Variants in IGFBP7 observed in about 807,000 individuals in gnomAD.
IGFBP7 encodes insulin-like growth factor-binding protein 7.
In IGFBP7, 31 loss-of-function variants were observed where a neutral mutation model predicts 29.4. The observed-to-expected ratio is 1.05, with a 90% CI of 0.79 to 1.42. The LOEUF is 1.42. IGFBP7 is among the 40% of genes most tolerant of loss of function. The probability of loss-of-function intolerance (pLI) is 0.00; values close to 1 mark genes in which losing one functional copy is unlikely to be tolerated. For synonymous variants in IGFBP7, 172 were observed against 174.9 expected, an observed-to-expected ratio of 0.98 and a Z score of 0.13; for missense variants, 393 against 395.5, an observed-to-expected ratio of 0.99 and a Z score of 0.05.
chr4:57,051,593 G>C (rs1230519955), intron 1 of IGFBP7, among the ~76,000 whole-genome samples: 1 of 152,194 alleles, frequency 6.6e-6, no homozygotes. Context: ...TGTTGGGGTG[G>C]TGTTGGGGAG....
intron 1 of IGFBP7, among the ~76,000 whole-genome samples, chr4:57,062,838 T>C (rs965315407): frequency 6.6e-6 from 1 of 152,106 alleles, no homozygotes; most frequent in African/African-American, 2.4e-5. Context: ...TTAGAGAAAA[T>C]GTTTTCTCTC....
Position 57,089,381 on chromosome 4 carries a change from G to A in IGFBP7, c.475+20496C>T, listed in dbSNP as rs1232393272. 2.6e-5 allele frequency among the ~76,000 whole-genome samples: 4 copies of A among 152,136 alleles called. No homozygotes were observed. In the East Asian group the frequency reaches 7.7e-4, roughly 29 times the overall value. On this transcript the variant is annotated intron_variant, in intron 1 of 4. Coordinates refer to ENST00000295666, the MANE Select transcript of IGFBP7 (RefSeq NM_001553.3). ...CAGGCAGGAACCCTCAATTCTGGTA[G>A]CCATTATTTCTGTGAAGGAAAGAGT... is the stretch of plus-strand genomic sequence containing the variant.
chr4:57,065,575 T>A (rs1226026650), intron 1 of IGFBP7: 1 of 152,192 alleles, frequency 6.6e-6, no homozygotes, highest in Non-Finnish European at 1.5e-5. Context: ...GCGTCGGCCC[T>A]CCTCCCAATC....
chr4:57,059,751 CT>C (rs1376542793), intron 1 of IGFBP7, among the ~76,000 whole-genome samples: 3 of 152,006 alleles, frequency 2.0e-5, no homozygotes, highest in Admixed American at 1.3e-4. Flanking sequence ...CTAAAATAAA[CT>C]TTTTTTAAAA....
intron 1 of IGFBP7, among the ~76,000 whole-genome samples, chr4:57,087,532 T>C (rs1341266711): frequency 2.0e-5 from 3 of 152,222 alleles, no homozygotes; most frequent in Admixed American, 6.5e-5. Flanking sequence ...TGGGCACTAC[T>C]TGCTGATAGT....
At chr4:57,058,770 C>G (rs1342550183) in intron 1 of IGFBP7, among the ~76,000 whole-genome samples, 1 of 152,168 alleles carries the variant, frequency 6.6e-6, no homozygotes, top group Non-Finnish European at 1.5e-5. Context: ...AACTTAAGAG[C>G]TTCTGCACAG....
intron 1 of IGFBP7, among the ~76,000 whole-genome samples, chr4:57,072,426 A>G (rs972520020): frequency 4.6e-5 from 7 of 152,110 alleles, no homozygotes; most frequent in Non-Finnish European, 7.3e-5. Flanking sequence ...CCAGCTACTT[A>G]GGAGGCTGTG....
chr4:57,089,513 T>C (rs113477528), intron 1 of IGFBP7, among the ~76,000 whole-genome samples: 3 of 152,146 alleles, frequency 2.0e-5, no homozygotes, highest in African/African-American at 4.8e-5. Flanking sequence ...TTTCCATTTT[T>C]CCCCCCAGCT....
intron 1 of IGFBP7, among the ~76,000 whole-genome samples, chr4:57,104,441 C>T (rs976016484): frequency 6.6e-6 from 1 of 152,160 alleles, no homozygotes; most frequent in African/African-American, 2.4e-5. Context: ...CACTGACTTG[C>T]ACTCCCCCAA....
intron 1 of IGFBP7, among the ~76,000 whole-genome samples, chr4:57,073,402 C>G (rs1725112427): frequency 6.6e-6 from 1 of 151,518 alleles, no homozygotes; most frequent in Non-Finnish European, 1.5e-5. Context: ...CAAGACCAGC[C>G]CGGACAACAT....
At chr4:57,049,058 C>T (rs1230734570) in intron 1 of IGFBP7, among the ~76,000 whole-genome samples, 2 of 152,156 alleles carry the variant, frequency 1.3e-5, no homozygotes, top group Non-Finnish European at 1.5e-5. Context: ...AGCTCTCATT[C>T]TCTGCAAATC....
chr4:57,086,610 T>C (rs764819944), intron 1 of IGFBP7, among the ~76,000 whole-genome samples: 12 of 152,234 alleles, frequency 7.9e-5, no homozygotes, highest in Admixed American at 2.0e-4. Flanking sequence ...GGGGATAGCT[T>C]GTCACCTTTT....
chr4:57,072,649 A>ATACAGGT (rs10659960), intron 1 of IGFBP7: 2 of 296,256 alleles, frequency 6.8e-6, no homozygotes, highest in African/African-American at 4.5e-5. Context: ...GCTGCTGCCT[A>ATACAGGT]GCCACCACCA....
intron 1 of IGFBP7, among the ~76,000 whole-genome samples, chr4:57,057,351 G>A (rs1713957): frequency 0.4 from 60,166 of 152,142 alleles, 12,546 homozygotes; most frequent in East Asian, 0.58. Flanking sequence ...GCCTTTACAA[G>A]GACTGGGAGA....
chr4:57,106,347 A>G (rs1038600417), intron 1 of IGFBP7, among the ~76,000 whole-genome samples: 2 of 152,210 alleles, frequency 1.3e-5, no homozygotes, highest in African/African-American at 4.8e-5. Flanking sequence ...CAAAAGGATC[A>G]TAGGCAAGAG....
At chr4:57,066,122 G>T (rs1192764665) in intron 1 of IGFBP7, among the ~76,000 whole-genome samples, 1 of 152,152 alleles carries the variant, frequency 6.6e-6, no homozygotes, top group Non-Finnish European at 1.5e-5. Context: ...TTTTTAGGTG[G>T]AGCTAATTCT....
intron 1 of IGFBP7, among the ~76,000 whole-genome samples, chr4:57,092,819 T>C (rs982802150): frequency 4.6e-5 from 7 of 151,052 alleles, no homozygotes; most frequent in African/African-American, 1.5e-4. Context: ...TTATGGTTCA[T>C]TCAAATTATT....
intron 1 of IGFBP7, among the ~76,000 whole-genome samples, chr4:57,096,166 A>T (rs555437445): frequency 1.3e-5 from 2 of 151,220 alleles, no homozygotes; most frequent in East Asian, 3.9e-4. Context: ...GTTCTGTCTG[A>T]TTCAAATAAG....
chr4:57,033,043 A>T lies in IGFBP7; in HGVS notation c.702+152T>A, dbSNP rs1723979786. ...GCACTTTTCCTTTAGTTTCTCTGAA[A>T]GAGGAGCAGCGACTCCATGGTAAGG... On this transcript the variant is annotated intron_variant, in intron 3 of 4. Coordinates refer to ENST00000295666, the MANE Select transcript of IGFBP7 (RefSeq NM_001553.3). The T allele has an allele frequency of 5.5e-6, 4 of 726,898 alleles. No individual in the cohort carries two copies. In the South Asian group the frequency reaches 5.8e-5, roughly 11 times the overall value. The allele number at this position is 726,898 out of a possible 1,614,324, so 45.0% of individuals were successfully genotyped here. A position where few individuals can be genotyped will look rare whatever the true frequency, so the allele number is the denominator to read the frequency against.
Sources: allele counts gnomAD v4.1 joint callset (sites outside exome capture counted in the v4.1 genomes callset), GRCh38; gene constraint gnomAD v4.1.1; transcripts MANE v1.5; gene names NCBI Gene and HGNC (gene_info 2026-07-23, HGNC 2026-07-21).